PRKN: variants seen among roughly 807,000 people sequenced by gnomAD.
PRKN encodes the protein parkin RBR E3 ubiquitin protein ligase.
In PRKN, 56 loss-of-function variants were observed where a neutral mutation model predicts 59.5. That is an observed-to-expected ratio of 0.94 (90% CI 0.76 to 1.18). The LOEUF (loss-of-function observed/expected upper bound fraction) is 1.18. PRKN is among the 50% of genes most tolerant of loss of function. PRKN has a pLI of 0.00. For missense variants in PRKN, 657 were observed against 596.4 expected (o/e 1.10, Z -1.06); for synonymous variants, 250 against 222.1 (o/e 1.13, Z -1.12).
intron 2 of PRKN, among the ~76,000 whole-genome samples, chr6:162,395,301 G>T (rs1297297354): frequency 6.6e-6 from 1 of 152,174 alleles, no homozygotes; most frequent in Non-Finnish European, 1.5e-5. Flanking sequence ...CATTTGGATT[G>T]CTCATCCAGG....
At chr6:161,659,376 C>A (rs141470885) in intron 7 of PRKN, among the ~76,000 whole-genome samples, 14 of 152,098 alleles carry the variant, frequency 9.2e-5, no homozygotes, top group African/African-American at 3.4e-4. Context: ...ACTAAAAATG[C>A]ATGATATGTT....
At chr6:162,465,624 C>A (rs4709618) in intron 1 of PRKN, among the ~76,000 whole-genome samples, 47,346 of 151,978 alleles carry the variant, frequency 0.31, 8,605 homozygotes, top group East Asian at 0.5. Flanking sequence ...ATTTCTTTAG[C>A]AATTTCAAGA....
intron 6 of PRKN, among the ~76,000 whole-genome samples, chr6:161,953,271 C>T (rs1024702839): frequency 6.6e-6 from 1 of 152,058 alleles, no homozygotes; most frequent in Non-Finnish European, 1.5e-5. Context: ...GCCACCATGC[C>T]CAGCTAATTT....
intron 2 of PRKN, among the ~76,000 whole-genome samples, chr6:162,359,603 AAC>A (rs1319266700): frequency 3.3e-5 from 5 of 151,238 alleles, no homozygotes; most frequent in East Asian, 2.0e-4. Flanking sequence ...AAAAAAAAAA[AAC>A]ATAAACATGG....
At chr6:162,244,548 G>C (rs1779121187) in intron 3 of PRKN, among the ~76,000 whole-genome samples, 1 of 152,044 alleles carries the variant, frequency 6.6e-6, no homozygotes, top group Admixed American at 6.6e-5. Flanking sequence ...TTTTCTGTCA[G>C]TTATGTATGT....
intron 1 of PRKN, among the ~76,000 whole-genome samples, chr6:162,448,653 C>T (rs770689847): frequency 9.9e-5 from 15 of 152,042 alleles, no homozygotes; most frequent in Non-Finnish European, 2.1e-4. Context: ...CCTTTATTGG[C>T]CCTGCAGATT....
intron 3 of PRKN, among the ~76,000 whole-genome samples, chr6:162,203,809 T>G (rs952359222): frequency 6.6e-6 from 1 of 152,170 alleles, no homozygotes; most frequent in Non-Finnish European, 1.5e-5. Flanking sequence ...TCAACTCTTC[T>G]GTATGGCAGC....
chr6:162,517,012 G>T (rs949099964), intron 1 of PRKN, among the ~76,000 whole-genome samples: 6 of 152,078 alleles, frequency 3.9e-5, no homozygotes, highest in African/African-American at 1.4e-4. Context: ...TGGTGGAAAT[G>T]CAGTGAAAAC....
At chr6:161,437,606 T>C (rs1410462530) in intron 9 of PRKN, among the ~76,000 whole-genome samples, 1 of 152,168 alleles carries the variant, frequency 6.6e-6, no homozygotes, top group Non-Finnish European at 1.5e-5. Context: ...GGGGCCCCCT[T>C]TGGCTTTTTA....
intron 1 of PRKN, among the ~76,000 whole-genome samples, chr6:162,679,537 G>C (rs575625138): frequency 1.3e-5 from 2 of 152,212 alleles, no homozygotes; most frequent in South Asian, 2.1e-4. Flanking sequence ...TTGTCATTTG[G>C]AAGTCTTATA....
intron 3 of PRKN, among the ~76,000 whole-genome samples, chr6:162,253,472 C>G (rs1403355690): frequency 6.6e-6 from 1 of 152,118 alleles, no homozygotes; most frequent in South Asian, 2.1e-4. Context: ...TTCTACTTTA[C>G]CAGCACAAAT....
chr6:162,205,617 C>T lies in PRKN; in HGVS notation c.413-4365G>A, dbSNP rs117939297. On this transcript the variant is annotated intron_variant, in intron 3 of 11. Coordinates refer to ENST00000366898, the MANE Select transcript of PRKN (RefSeq NM_004562.3). ...ACAGAGCAAAACAGCAGGAACAGGA[C>T]GGATTTTAAGTGATATTTATCACAT... Among the ~76,000 whole-genome samples the T allele has an allele frequency of 2.3e-3, 348 of 152,072 alleles. 4 individuals carry two copies. The highest frequency in any genetic ancestry group is 4.2e-3 in the African/African-American group (174 of 41,488).
At chr6:162,109,484 G>A (rs1440681725) in intron 4 of PRKN, among the ~76,000 whole-genome samples, 1 of 152,160 alleles carries the variant, frequency 6.6e-6, no homozygotes, top group Non-Finnish European at 1.5e-5. Context: ...GGACGATGAG[G>A]GGCAGAGATG....
chr6:162,139,591 A>G (rs566562764), intron 4 of PRKN, among the ~76,000 whole-genome samples: 271 of 152,290 alleles, frequency 1.8e-3, no homozygotes, highest in Non-Finnish European at 3.2e-3. Flanking sequence ...ATCTCCATGT[A>G]TGGGCCATGG....
chr6:162,226,794 A>G (rs1341419712), intron 3 of PRKN, among the ~76,000 whole-genome samples: 2 of 152,212 alleles, frequency 1.3e-5, no homozygotes, highest in Non-Finnish European at 2.9e-5. Context: ...CTCCATGAGT[A>G]TAACAAGATT....
intron 7 of PRKN, among the ~76,000 whole-genome samples, chr6:161,725,606 A>G (rs368775447): frequency 6.2e-4 from 94 of 152,252 alleles, no homozygotes; most frequent in African/African-American, 2.1e-3. Flanking sequence ...GGCTCACCCT[A>G]CCCATTTCCG....
At chr6:162,390,324 A>G (rs1787103074) in intron 2 of PRKN, among the ~76,000 whole-genome samples, 1 of 148,224 alleles carries the variant, frequency 6.7e-6, no homozygotes, top group African/African-American at 2.5e-5. Flanking sequence ...AATCTTTCCA[A>G]TGATTCTGAC....
chr6:162,094,023 A>G (rs1026917911), intron 4 of PRKN, among the ~76,000 whole-genome samples: 3 of 152,110 alleles, frequency 2.0e-5, no homozygotes, highest in African/African-American at 7.2e-5. Context: ...GACAAAGAAA[A>G]CCCAGCTCAA....
rs112954151 is a variant in PRKN, at chr6:161,388,794, C to T, written c.1084-1917G>A. Among the ~76,000 whole-genome samples, 772 of 152,282 alleles carry T rather than the reference C, an allele frequency of 5.1e-3. 7 individuals carry two copies. The highest frequency in any genetic ancestry group is 0.017 in the African/African-American group (709 of 41,556). Reference sequence around the variant, plus strand: ...GGGAGCCCCACATGGAGAAGAGCTGCGGCCTCAGCCGCAACAATAGCCCTG... The same window carrying T: ...GGGAGCCCCACATGGAGAAGAGCTGTGGCCTCAGCCGCAACAATAGCCCTG... On this transcript the variant is annotated intron_variant, in intron 9 of 11. Transcript: ENST00000366898. The surrounding 1 kb of genome is among the most constrained non-coding windows in gnomAD (Gnocchi z 4.3).
Sources: allele counts gnomAD v4.1 joint callset (sites outside exome capture counted in the v4.1 genomes callset), GRCh38; gene constraint gnomAD v4.1.1; non-coding constraint Gnocchi (gnomAD v3.1); transcripts MANE v1.5; gene names NCBI Gene and HGNC (gene_info 2026-07-23, HGNC 2026-07-21).